The following IGSF11 variants were observed in gnomAD, a reference collection of about 807,000 sequenced individuals.
IGSF11 encodes the protein CXADR like 1.
In IGSF11, 22 loss-of-function variants were observed where a neutral mutation model predicts 41.0. The ratio of observed to expected loss-of-function variants is 0.54; its 90% CI spans 0.38 to 0.77. The LOEUF is 0.77. IGSF11 is among the 30% of genes least tolerant of loss of function. The pLI is 0.00. For synonymous variants in IGSF11, 219 were observed against 201.3 expected (o/e 1.09, Z -0.74); for missense variants, 444 against 530.8 (o/e 0.84, Z 1.61).
intron 1 of IGSF11, among the ~76,000 whole-genome samples, chr3:119,116,805 T>G (rs2077261670): frequency 6.6e-6 from 1 of 152,096 alleles, no homozygotes. Flanking sequence ...TTCCAGAATT[T>G]TTTGCATATC....
At chr3:118,993,985 T>G (rs573232510) in intron 1 of IGSF11, among the ~76,000 whole-genome samples, 2 of 152,240 alleles carry the variant, frequency 1.3e-5, no homozygotes, top group Non-Finnish European at 2.9e-5. Flanking sequence ...ACAATCAAAT[T>G]GTACACTGTA....
intron 1 of IGSF11, among the ~76,000 whole-genome samples, chr3:118,962,959 A>T (rs924990844): frequency 2.0e-5 from 3 of 152,192 alleles, no homozygotes; most frequent in Admixed American, 6.5e-5. Flanking sequence ...AGATTTGGCT[A>T]CCAGGAGGTC....
At chr3:119,122,569 A>T (rs2077347960) in intron 1 of IGSF11, among the ~76,000 whole-genome samples, 1 of 152,228 alleles carries the variant, frequency 6.6e-6, no homozygotes, top group East Asian at 1.9e-4. Flanking sequence ...CAGCCAGGGC[A>T]GCTAAGGGAA....
intron 1 of IGSF11, among the ~76,000 whole-genome samples, chr3:119,068,121 G>C (rs1235243674): frequency 6.6e-6 from 1 of 152,138 alleles, no homozygotes; most frequent in Non-Finnish European, 1.5e-5. Flanking sequence ...AAGATAAATG[G>C]GTCTTCACCT....
intron 1 of IGSF11, among the ~76,000 whole-genome samples, chr3:119,017,625 T>C (rs1301394704): frequency 1.3e-5 from 2 of 152,190 alleles, no homozygotes; most frequent in Non-Finnish European, 2.9e-5. Context: ...TTTTCTTGTT[T>C]ATAAAATGAA....
chr3:119,122,791 T>G (rs536140766), intron 1 of IGSF11, among the ~76,000 whole-genome samples: 2 of 152,244 alleles, frequency 1.3e-5, no homozygotes, highest in East Asian at 3.9e-4. Context: ...GCCTTGAAGG[T>G]CCCATCACCT....
intron 1 of IGSF11, among the ~76,000 whole-genome samples, chr3:118,978,823 A>G (rs1202154021): frequency 6.6e-6 from 1 of 152,222 alleles, no homozygotes; most frequent in Non-Finnish European, 1.5e-5. Flanking sequence ...GGAAGAAGCA[A>G]CTGTTACACC....
chr3:119,121,108 T>C (rs1308657280), intron 1 of IGSF11, among the ~76,000 whole-genome samples: 3 of 152,192 alleles, frequency 2.0e-5, no homozygotes, highest in Non-Finnish European at 4.4e-5. Context: ...ATCAGAGTTG[T>C]TAAAATATAT....
chr3:119,098,196 C>T (rs1215206167), intron 1 of IGSF11, among the ~76,000 whole-genome samples: 1 of 151,976 alleles, frequency 6.6e-6, no homozygotes, highest in Non-Finnish European at 1.5e-5. Context: ...AGTTAAAATG[C>T]TGACTCCATC....
At chr3:118,988,503 T>C (rs1935470720) in intron 1 of IGSF11, among the ~76,000 whole-genome samples, 1 of 152,186 alleles carries the variant, frequency 6.6e-6, no homozygotes, top group Non-Finnish European at 1.5e-5. Context: ...ATTGGGCAAG[T>C]TGCAGCCTTC....
intron 4 of IGSF11, among the ~76,000 whole-genome samples, chr3:118,923,099 T>C (rs901934721): frequency 6.6e-6 from 1 of 152,174 alleles, no homozygotes; most frequent in African/African-American, 2.4e-5. Flanking sequence ...AGTGGACATG[T>C]GCATAAGAGA....
intron 1 of IGSF11, among the ~76,000 whole-genome samples, chr3:119,131,728 T>G (rs1037393733): frequency 5.3e-5 from 8 of 151,982 alleles, no homozygotes; most frequent in African/African-American, 1.9e-4. Flanking sequence ...TCAAGAAGAC[T>G]AACCCCAAGA....
chr3:119,128,312 C>A (rs2077430877), intron 1 of IGSF11, among the ~76,000 whole-genome samples: 1 of 150,876 alleles, frequency 6.6e-6, no homozygotes, highest in South Asian at 2.1e-4. Context: ...GAGCTGAGAG[C>A]ATGACACTGC....
At chr3:118,977,382 G>A (rs1415979576) in intron 1 of IGSF11, among the ~76,000 whole-genome samples, 3 of 152,116 alleles carry the variant, frequency 2.0e-5, no homozygotes, top group Non-Finnish European at 4.4e-5. Context: ...GAACCTCTGA[G>A]GCATGTTCTA....
intron 1 of IGSF11, among the ~76,000 whole-genome samples, chr3:119,055,055 C>A (rs1335230672): frequency 6.6e-6 from 1 of 152,160 alleles, no homozygotes; most frequent in East Asian, 1.9e-4. Flanking sequence ...GCTGCTGATA[C>A]CCAGGCAAAC....
chr3:119,098,004 A>C (rs1043694462), intron 1 of IGSF11, among the ~76,000 whole-genome samples: 1 of 89,988 alleles, frequency 1.1e-5, no homozygotes, highest in African/African-American at 3.8e-5. Context: ...GGGTCTTGCC[A>C]TGTTGCCCAG....
rs539458189 is a variant in IGSF11, at chr3:118,954,755, T to C, written c.53-24480A>G. Among the ~76,000 whole-genome samples the C allele has an allele frequency of 5.3e-5, 8 of 152,236 alleles. No homozygotes were observed. The East Asian group carries it at 1.3e-3, about 26-fold the overall frequency. ...ATACTTATGAAATGTATTTCTTAAA[T>C]AGGAAGACTTGATAGTTGAAGTTAT... On this transcript the variant is annotated intron_variant, in intron 1 of 6. Coordinates refer to ENST00000393775, the MANE Select transcript of IGSF11 (RefSeq NM_001015887.3).
rs187003623 is a variant in IGSF11 at position 119,110,996 on chromosome 3, C to T, written c.-13-5791G>A. Among the ~76,000 whole-genome samples the T allele has an allele frequency of 2.6e-3, 397 of 151,702 alleles. 3 individuals carry two copies. Among genetic ancestry groups the T allele is most frequent in the African/African-American group, 9.0e-3 (372 of 41,366 alleles). ...GATGGGCTTCCCTTTGTGGGTAACCCGACCTTTTTCTCTGGCTGCCCTTAA... is the reference window on the plus strand; with the variant it reads ...GATGGGCTTCCCTTTGTGGGTAACCTGACCTTTTTCTCTGGCTGCCCTTAA... On this transcript the variant is annotated intron_variant, in intron 1 of 7. Coordinates refer to the IGSF11 transcript ENST00000425327.
chr3:119,014,350 T>C (rs931182240), intron 1 of IGSF11, among the ~76,000 whole-genome samples: 6 of 152,198 alleles, frequency 3.9e-5, no homozygotes, highest in African/African-American at 1.2e-4. Context: ...TTTTACTCTA[T>C]CACACAACAT....
Sources: allele counts gnomAD v4.1 joint callset (sites outside exome capture counted in the v4.1 genomes callset), GRCh38; gene constraint gnomAD v4.1.1; transcripts MANE v1.5; gene names NCBI Gene and HGNC (gene_info 2026-07-23, HGNC 2026-07-21).